Variants in SNTG1 observed in about 807,000 individuals in gnomAD.
SNTG1 encodes the protein gamma-1-syntrophin.
SNTG1 carries 39 observed loss-of-function variants against 74.7 expected under a neutral mutation model. That is an observed-to-expected ratio of 0.52 (90% CI 0.40 to 0.68). The LOEUF (loss-of-function observed/expected upper bound fraction) is 0.68. SNTG1 is among the 30% of genes least tolerant of loss of function. The pLI, the probability that SNTG1 is intolerant of heterozygous loss-of-function variation, is 0.00. For missense variants in SNTG1, 685 were observed against 609.5 expected (o/e 1.12, Z -1.30); for synonymous variants, 254 against 217.1 (o/e 1.17, Z -1.49).
intron 15 of SNTG1, among the ~76,000 whole-genome samples, chr8:50,693,793 C>T (rs1281386865): frequency 6.6e-6 from 1 of 152,066 alleles, no homozygotes; most frequent in Non-Finnish European, 1.5e-5. Context: ...AACTAGAAAT[C>T]AATAACAGTA....
intron 11 of SNTG1, among the ~76,000 whole-genome samples, chr8:50,540,863 AGTCTTACT>A (rs1008836372): frequency 1.6e-4 from 24 of 151,924 alleles, no homozygotes; most frequent in African/African-American, 5.6e-4. Flanking sequence ...AACTTTTATT[AGTCTTACT>A]GTATAAAATA....
chr8:50,011,844 A>C (rs1458538195), intron 1 of SNTG1: 3 of 152,208 alleles, frequency 2.0e-5, no homozygotes, highest in Non-Finnish European at 4.4e-5. Context: ...GAGACAGCAG[A>C]CCTGCCTTCA....
At chr8:50,738,196 G>A (rs1037049473) in intron 17 of SNTG1, among the ~76,000 whole-genome samples, 2 of 152,144 alleles carry the variant, frequency 1.3e-5, no homozygotes, top group Non-Finnish European at 2.9e-5. Context: ...AAGCTGAGAA[G>A]CAACTTCAGC....
At chr8:50,437,755 A>G (rs1418629477) in intron 4 of SNTG1, among the ~76,000 whole-genome samples, 2 of 152,210 alleles carry the variant, frequency 1.3e-5, no homozygotes, top group African/African-American at 4.8e-5. Flanking sequence ...TCAGCCCTAT[A>G]GCATGCCTCC....
intron 1 of SNTG1, among the ~76,000 whole-genome samples, chr8:50,150,047 G>C (rs6991113): frequency 0.046 from 7,051 of 152,080 alleles, 387 homozygotes; most frequent in South Asian, 0.14. Flanking sequence ...TCTTCCGTTT[G>C]TTTGTATCCT....
intron 8 of SNTG1, among the ~76,000 whole-genome samples, chr8:50,496,923 T>A (rs2093909439): frequency 6.6e-6 from 1 of 151,798 alleles, no homozygotes; most frequent in Admixed American, 6.6e-5. Flanking sequence ...AACCTGTATT[T>A]TCCAACCTGA....
At chr8:50,613,119 A>G (rs1351631036) in intron 13 of SNTG1, among the ~76,000 whole-genome samples, 1 of 152,186 alleles carries the variant, frequency 6.6e-6, no homozygotes, top group Non-Finnish European at 1.5e-5. Flanking sequence ...ATTCAATAAT[A>G]GAAACATTGC....
chr8:50,753,160 C>T (rs968386800), intron 18 of SNTG1, among the ~76,000 whole-genome samples: 1 of 151,948 alleles, frequency 6.6e-6, no homozygotes, highest in Non-Finnish European at 1.5e-5. Context: ...GCTTACATTT[C>T]TAACACAGCC....
At chr8:50,607,330 T>C (rs894320644) in intron 13 of SNTG1, among the ~76,000 whole-genome samples, 4 of 151,704 alleles carry the variant, frequency 2.6e-5, no homozygotes, top group Non-Finnish European at 4.4e-5. Flanking sequence ...AGTTAAGCTA[T>C]CTAGTCCTGG....
At chr8:50,784,248 T>TA (rs1463747420) in intron 18 of SNTG1, among the ~76,000 whole-genome samples, 1 of 152,034 alleles carries the variant, frequency 6.6e-6, no homozygotes, top group Non-Finnish European at 1.5e-5. Flanking sequence ...TTAGTGGGAG[T>TA]AAAAGGGACA....
intron 15 of SNTG1, among the ~76,000 whole-genome samples, chr8:50,700,713 G>T (rs1366747691): frequency 6.6e-6 from 1 of 152,048 alleles, no homozygotes. Flanking sequence ...ATGATTTATC[G>T]TTCCTTATTC....
At chr8:50,422,389 A>G (rs2093102920) in intron 4 of SNTG1, among the ~76,000 whole-genome samples, 1 of 152,186 alleles carries the variant, frequency 6.6e-6, no homozygotes, top group Admixed American at 6.6e-5. Context: ...GAGCAAATGT[A>G]TAGAACGTAC....
Position 50,735,104 on chromosome 8 carries a change from G to A in SNTG1, c.1285-16897G>A, listed in dbSNP as rs547210936. ...CATTACTACTATCTGTTCATCATCC[G>A]AAACAGAAACTCTGTAACTATTAAG... On this transcript the variant is annotated intron_variant, in intron 17 of 18. Transcript: ENST00000642720. Among the ~76,000 whole-genome samples the A allele has an allele frequency of 1.2e-4, 18 of 150,636 alleles. No individual in the cohort carries two copies. The South Asian group carries it at 1.3e-3, about 10-fold the overall frequency.
At chr8:50,754,237 T>C (rs1465151029) in intron 18 of SNTG1, among the ~76,000 whole-genome samples, 1 of 151,902 alleles carries the variant, frequency 6.6e-6, no homozygotes, top group Non-Finnish European at 1.5e-5. Context: ...GAATAGAAAA[T>C]GTTTGTTTAG....
chr8:50,187,327 C>A (rs2083420921), intron 2 of SNTG1, among the ~76,000 whole-genome samples: 1 of 151,956 alleles, frequency 6.6e-6, no homozygotes, highest in Non-Finnish European at 1.5e-5. Context: ...ACATATAGAC[C>A]AATGGAACAG....
chr8:50,658,799 G>A, intron 15 of SNTG1, 136 bp downstream of exon 15: 2 of 598,570 alleles, frequency 3.3e-6, no homozygotes, highest in African/African-American at 1.9e-5. Context: ...GAAAGAGAAA[G>A]AAAATAAACT....
rs368476233 is a variant in SNTG1 at position 50,247,726 on chromosome 8, G to A, written c.-28+75091G>A. Among the ~76,000 whole-genome samples the A allele has an allele frequency of 1.7e-4, 26 of 150,868 alleles. 1 individual carries two copies. The highest frequency in any genetic ancestry group is 5.4e-4 in the African/African-American group (22 of 41,074). On this transcript the variant is annotated intron_variant, in intron 2 of 18. Coordinates refer to ENST00000642720, the MANE Select transcript of SNTG1 (RefSeq NM_018967.5). ...TTTTGTAGAGACTGGGTCTTGTCAC[G>A]TTGCCCAGACTGGTCTTGAAGTCCT...
At chr8:50,278,077 G>A (rs1281576714) in intron 2 of SNTG1, among the ~76,000 whole-genome samples, 1 of 152,102 alleles carries the variant, frequency 6.6e-6, no homozygotes. Flanking sequence ...GGAGGCTGAG[G>A]TGGGAGAATC....
intron 13 of SNTG1, among the ~76,000 whole-genome samples, chr8:50,610,347 T>C (rs1476993123): frequency 1.3e-5 from 2 of 152,156 alleles, no homozygotes; most frequent in African/African-American, 2.4e-5. Context: ...GGTTGAGGTG[T>C]GTATTCAAAG....
Sources: allele counts gnomAD v4.1 joint callset (sites outside exome capture counted in the v4.1 genomes callset), GRCh38; gene constraint gnomAD v4.1.1; transcripts MANE v1.5; gene names NCBI Gene and HGNC (gene_info 2026-07-23, HGNC 2026-07-21).